RORA: variants seen among roughly 807,000 people sequenced by gnomAD.
RORA encodes the protein nuclear receptor ROR-alpha.
RORA carries 7 observed loss-of-function variants against 69.5 expected under a neutral mutation model. The observed-to-expected ratio is 0.10, with a 90% CI of 0.06 to 0.19. RORA has a LOEUF of 0.19. Ranked by LOEUF, RORA falls within the 10% of genes least tolerant of loss-of-function variation. The probability of loss-of-function intolerance (pLI) is 1.00; values close to 1 mark genes in which losing one functional copy is unlikely to be tolerated. For synonymous variants in RORA, 261 were observed against 240.8 expected (o/e 1.08, Z -0.78); for missense variants, 457 against 663.0 (o/e 0.69, Z 3.41).
intron 5 of RORA, among the ~76,000 whole-genome samples, chr15:60,508,422 T>C (rs531500301): frequency 6.6e-6 from 1 of 152,350 alleles, no homozygotes; most frequent in African/African-American, 2.4e-5. Context: ...TAACAAATAA[T>C]AATGACATTA....
chr15:60,964,294 A>G (rs1435772614), intron 1 of RORA, among the ~76,000 whole-genome samples: 1 of 152,202 alleles, frequency 6.6e-6, no homozygotes, highest in Non-Finnish European at 1.5e-5. Flanking sequence ...GTCCAGATGA[A>G]GAGGATACCC....
chr15:61,090,887 C>A (rs1005140338), intron 1 of RORA, among the ~76,000 whole-genome samples: 3 of 152,112 alleles, frequency 2.0e-5, no homozygotes, highest in Admixed American at 1.3e-4. Flanking sequence ...CACCTCGACA[C>A]ACGCAGTCAT....
chr15:60,614,837 T>G, intron 2 of RORA: 2 of 1,385,420 alleles, frequency 1.4e-6, no homozygotes, highest in Non-Finnish European at 2.0e-6. Context: ...AGACAGACAC[T>G]GACATGCTTA....
chr15:61,039,352 A>G (rs1896618664), intron 1 of RORA, among the ~76,000 whole-genome samples: 1 of 152,176 alleles, frequency 6.6e-6, no homozygotes, highest in Non-Finnish European at 1.5e-5. Context: ...GGAATTGTGA[A>G]GAATCTGAAA....
At chr15:60,660,023 A>G (rs1360017483) in intron 2 of RORA, among the ~76,000 whole-genome samples, 2 of 152,218 alleles carry the variant, frequency 1.3e-5, no homozygotes, top group Non-Finnish European at 2.9e-5. Context: ...ATTATTTACT[A>G]TCATCTAAAG....
chr15:61,075,408 A>G (rs1414548979), intron 1 of RORA, among the ~76,000 whole-genome samples: 1 of 152,158 alleles, frequency 6.6e-6, no homozygotes, highest in East Asian at 1.9e-4. Flanking sequence ...TTCCTAGGGA[A>G]GGCCTGCAGT....
intron 2 of RORA, among the ~76,000 whole-genome samples, chr15:60,591,538 G>A (rs1459649471): frequency 6.6e-6 from 1 of 151,354 alleles, no homozygotes; most frequent in East Asian, 2.0e-4. Flanking sequence ...GCCCGGCTAC[G>A]GAGTCCTGAT....
intron 1 of RORA, among the ~76,000 whole-genome samples, chr15:61,065,008 G>A (rs1175748594): frequency 6.6e-6 from 1 of 152,154 alleles, no homozygotes; most frequent in Non-Finnish European, 1.5e-5. Context: ...GGAGAATCTT[G>A]AGTCCAAAGC....
At chr15:60,779,171 T>C (rs767111179) in intron 1 of RORA, among the ~76,000 whole-genome samples, 2 of 152,196 alleles carry the variant, frequency 1.3e-5, no homozygotes, top group African/African-American at 2.4e-5. Context: ...CTGTGCAAAG[T>C]GAAGGCTCAT....
intron 1 of RORA, among the ~76,000 whole-genome samples, chr15:61,020,922 T>C (rs1456810908): frequency 6.6e-6 from 1 of 152,240 alleles, no homozygotes; most frequent in Non-Finnish European, 1.5e-5. Context: ...AATTCAATTG[T>C]ATCAGAAACT....
chr15:60,908,897 A>G (rs1218219545), intron 1 of RORA, among the ~76,000 whole-genome samples: 1 of 151,590 alleles, frequency 6.6e-6, no homozygotes, highest in Non-Finnish European at 1.5e-5. Context: ...TTTATTAAAG[A>G]GAGTTCTACT....
At chr15:61,156,198 G>C (rs559810690) in intron 1 of RORA, among the ~76,000 whole-genome samples, 1 of 152,084 alleles carries the variant, frequency 6.6e-6, no homozygotes, top group East Asian at 1.9e-4. Flanking sequence ...GAGGAAAAGA[G>C]AGGAAAACAA....
At chr15:60,766,225 G>A (rs1431616208) in intron 1 of RORA, among the ~76,000 whole-genome samples, 1 of 152,114 alleles carries the variant, frequency 6.6e-6, no homozygotes, top group Non-Finnish European at 1.5e-5. Flanking sequence ...GTGTGAGCCT[G>A]TGAGCCTGCG....
chr15:61,125,810 G>A (rs1192291707), intron 1 of RORA, among the ~76,000 whole-genome samples: 18 of 152,032 alleles, frequency 1.2e-4, no homozygotes. Context: ...CTTTTGATTT[G>A]AATAAAATCG....
At chr15:61,206,299 C>G (rs551411300) in intron 1 of RORA, among the ~76,000 whole-genome samples, 1 of 152,086 alleles carries the variant, frequency 6.6e-6, no homozygotes, top group Non-Finnish European at 1.5e-5. Context: ...TCATGGCCAC[C>G]CAGCAAGCGT....
chr15:61,080,939 C>A (rs2078530007), intron 1 of RORA, among the ~76,000 whole-genome samples: 1 of 152,222 alleles, frequency 6.6e-6, no homozygotes, highest in Middle Eastern at 3.2e-3. Flanking sequence ...TCTAGAATTA[C>A]AACCATTTTG....
At chr15:60,561,780 G>C (rs2067567436) in intron 2 of RORA, among the ~76,000 whole-genome samples, 1 of 152,008 alleles carries the variant, frequency 6.6e-6, no homozygotes, top group South Asian at 2.1e-4. Flanking sequence ...CGCCCTGAGA[G>C]ACATAATATG....
chr15:60,959,165 G>T (rs1332040330), intron 1 of RORA, among the ~76,000 whole-genome samples: 6 of 152,170 alleles, frequency 3.9e-5, no homozygotes, highest in African/African-American at 1.4e-4. Flanking sequence ...TGTGTAAGAG[G>T]AATAGAAATT....
chr15:60,916,695 C>G (rs1891882432), intron 1 of RORA, among the ~76,000 whole-genome samples: 1 of 152,138 alleles, frequency 6.6e-6, no homozygotes, highest in Admixed American at 6.5e-5. Context: ...GAGTATGACA[C>G]TCAGGCATCA....
Sources: gnomAD v4.1 joint callset for allele counts (sites outside exome capture counted in the v4.1 genomes callset) on GRCh38, gnomAD v4.1.1 for gene constraint, MANE v1.5 for transcripts, NCBI Gene and HGNC (gene_info 2026-07-23, HGNC 2026-07-21) for gene names.